The following DGKI variants were observed in gnomAD, a reference collection of about 807,000 sequenced individuals.
DGKI encodes the protein DAG kinase iota.
DGKI carries 55 observed loss-of-function variants against 147.5 expected under a neutral mutation model. The ratio of observed to expected loss-of-function variants is 0.37; its 90% CI spans 0.30 to 0.47. DGKI has a LOEUF of 0.47. Among genes scored for constraint, DGKI ranks in the 20% least tolerant of loss-of-function variants. The pLI is 1.00. For missense variants in DGKI, 1,007 were observed against 1,323.8 expected (o/e 0.76, Z 3.71); for synonymous variants, 469 against 477.1 (o/e 0.98, Z 0.22).
rs750325319 is a variant in DGKI at position 137,811,857 on chromosome 7, T to TA, written c.401+34604dup. ...TAGGTAGGTAGTGACTCTTGAAGTA[T>TA]ATAACTTTGCTAAATACTTATGTAC... On this transcript the variant is annotated intron_variant, in intron 1 of 32. Transcript: ENST00000614521. 2.1e-3 allele frequency among the ~76,000 whole-genome samples: 325 copies of TA among 152,044 alleles called. 3 individuals carry two copies. Among genetic ancestry groups the TA allele is most frequent in the Non-Finnish European group, 3.6e-3 (245 of 67,916 alleles).
At chr7:137,610,733 T>C (rs1373005652) in intron 8 of DGKI, among the ~76,000 whole-genome samples, 1 of 152,234 alleles carries the variant, frequency 6.6e-6, no homozygotes, top group African/African-American at 2.4e-5. Flanking sequence ...TATTCTTTTT[T>C]CTTTGAGCAT....
intron 28 of DGKI, among the ~76,000 whole-genome samples, chr7:137,426,788 CAA>C: frequency 6.6e-6 from 1 of 151,618 alleles, no homozygotes; most frequent in African/African-American, 2.4e-5. Context: ...CAACAAAGAT[CAA>C]AAGAGACAAA....
chr7:137,598,540 A>G (rs1819877800), intron 11 of DGKI, among the ~76,000 whole-genome samples: 1 of 152,140 alleles, frequency 6.6e-6, no homozygotes, highest in Non-Finnish European at 1.5e-5. Context: ...TATTTATTTC[A>G]AACTTCTCTG....
intron 1 of DGKI, among the ~76,000 whole-genome samples, chr7:137,750,710 G>A (rs971869119): frequency 5.3e-5 from 8 of 152,110 alleles, no homozygotes; most frequent in East Asian, 3.8e-4. Flanking sequence ...ACAAGGCAAC[G>A]GGGAGAAGAC....
chr7:137,441,372 G>A (rs1423398382), intron 28 of DGKI, among the ~76,000 whole-genome samples: 2 of 135,206 alleles, frequency 1.5e-5, no homozygotes, highest in Admixed American at 8.9e-5. Flanking sequence ...AGTGAGCCGA[G>A]ATCGTGCCAC....
rs975497755 is a variant in DGKI, at chr7:137,846,817, C to G, written c.46G>C (p.Ala16Pro). Residue 16 changes from alanine to proline, a missense_variant, in exon 1 of 33, where the codon GCG becomes CCG. Ala to Pro is a conservative substitution (Grantham distance 27). This residue lies in a region of DGKI where 137 missense variants were observed against 114.4 expected (regional missense o/e 1.20). Transcript: ENST00000614521. The surrounding 1 kb of genome is among the most constrained non-coding windows in gnomAD (Gnocchi z 4.0). ...RGCHLLPLPA[A>P]RGPARAPAAA... is the part of the protein sequence containing the mutation. The stretch of plus-strand genomic sequence containing the variant: ...GCAGGAGCGCGGGCAGGTCCGCGCG[C>G]CGCTGGCAGGGGCAGCAAATGGCAG... 1.0e-5 allele frequency: 12 copies of G among 1,147,378 alleles called. No individual in the cohort carries two copies. The highest frequency in any genetic ancestry group is 1.3e-5 in the Non-Finnish European group (12 of 933,888). The allele number at this position is 1,147,378 out of a possible 1,614,324, so 71.1% of individuals were successfully genotyped here. A position where few individuals can be genotyped will look rare whatever the true frequency, so the allele number is the denominator to read the frequency against.
chr7:137,639,251 C>T (rs759056824), intron 6 of DGKI, among the ~76,000 whole-genome samples: 5 of 151,984 alleles, frequency 3.3e-5, no homozygotes, highest in Admixed American at 1.3e-4. Flanking sequence ...GAATCAAAAC[C>T]GGAGATTTAT....
At chr7:137,533,478 CTT>C (rs1817411774) in intron 20 of DGKI, among the ~76,000 whole-genome samples, 1 of 152,054 alleles carries the variant, frequency 6.6e-6, no homozygotes, top group Non-Finnish European at 1.5e-5. Context: ...TGTTCCATTT[CTT>C]TCTCTCCTTT....
At chr7:137,732,804 CAT>C (rs1044981022) in intron 1 of DGKI, among the ~76,000 whole-genome samples, 6 of 152,056 alleles carry the variant, frequency 3.9e-5, no homozygotes, top group Middle Eastern at 6.8e-3. Flanking sequence ...CCCCGCCCCA[CAT>C]AGTCTCCACA....
intron 27 of DGKI, among the ~76,000 whole-genome samples, chr7:137,453,477 G>A (rs934775003): frequency 6.6e-6 from 1 of 152,126 alleles, no homozygotes; most frequent in African/African-American, 2.4e-5. Flanking sequence ...TTTGCTTTTG[G>A]TCCTTCTAAT....
intron 1 of DGKI, among the ~76,000 whole-genome samples, chr7:137,797,495 T>C (rs1053621993): frequency 6.6e-6 from 1 of 152,146 alleles, no homozygotes; most frequent in African/African-American, 2.4e-5. Flanking sequence ...GATATAGTTA[T>C]AATGTGTAAA....
Position 137,423,113 on chromosome 7 carries a change from T to C in DGKI, c.2762-10906A>G, listed in dbSNP as rs1316075989. ...TTTAGATTGTCTAACTTTGTTTTGTTTTACTTTCCTGGCATTTGGATGATA... is the reference window on the plus strand; with the variant it reads ...TTTAGATTGTCTAACTTTGTTTTGTCTTACTTTCCTGGCATTTGGATGATA... On this transcript the variant is annotated intron_variant, in intron 28 of 32. Transcript: ENST00000614521. 2.6e-5 allele frequency among the ~76,000 whole-genome samples: 4 copies of C among 152,180 alleles called. No homozygotes were observed. In the East Asian group the frequency reaches 7.7e-4, roughly 29 times the overall value.
chr7:137,739,874 A>G (rs1275890445), intron 1 of DGKI, among the ~76,000 whole-genome samples: 2 of 152,204 alleles, frequency 1.3e-5, no homozygotes, highest in Non-Finnish European at 2.9e-5. Flanking sequence ...GCAGTCAAGA[A>G]AAGGTTGAAC....
At position 137,707,941 on chromosome 7, in the gene DGKI, T is replaced by TTTTC. The variant is rs1563160237; in HGVS notation, c.402-17940_402-17939insGAAA. Among the ~76,000 whole-genome samples the TTTTC allele has an allele frequency of 7.9e-4, 120 of 152,112 alleles. 1 individual carries two copies. The East Asian group carries it at 0.021, about 27-fold the overall frequency. The stretch of plus-strand genomic sequence containing the variant: ...AATTATTTTGTTTTGTTTTGTTTTT[T>TTTTC]GCCTCCAAATCTCCCCAAATTGTGA... On this transcript the variant is annotated intron_variant, in intron 1 of 32. Transcript: ENST00000614521.
At chr7:137,589,848 A>G (rs536798499) in intron 12 of DGKI, among the ~76,000 whole-genome samples, 4 of 152,286 alleles carry the variant, frequency 2.6e-5, no homozygotes, top group Admixed American at 2.6e-4. Context: ...ACAATCATTC[A>G]ACCTCTCCTT....
chr7:137,397,184 C>T (rs192360690), intron 31 of DGKI, among the ~76,000 whole-genome samples, 193 bp downstream of exon 31: 14 of 152,372 alleles, frequency 9.2e-5, no homozygotes, highest in Admixed American at 7.8e-4. Flanking sequence ...AGCATTATGA[C>T]AATTGTCATC....
intron 1 of DGKI, among the ~76,000 whole-genome samples, chr7:137,807,258 C>T (rs913348121): frequency 6.6e-6 from 1 of 152,180 alleles, no homozygotes; most frequent in Non-Finnish European, 1.5e-5. Context: ...ATTTCAAAAA[C>T]CTTCACCCAA....
chr7:137,846,161 T>TCTCTCTCTCTCA lies in DGKI; in HGVS notation c.401+300_401+301insTGAGAGAGAGAG, dbSNP rs781580130. Among the ~76,000 whole-genome samples the TCTCTCTCTCTCA allele has an allele frequency of 0.011, 1,209 of 108,126 alleles. 16 individuals are homozygous for TCTCTCTCTCTCA. Among genetic ancestry groups the TCTCTCTCTCTCA allele is most frequent in the African/African-American group, 0.019 (483 of 25,974 alleles). 70.9% of individuals were successfully genotyped at this position (108,126 alleles called of 152,430 possible). On this transcript the variant is annotated intron_variant, in intron 1 of 32. Coordinates refer to ENST00000614521, the MANE Select transcript of DGKI (RefSeq NM_001321708.2). The surrounding 1 kb of genome is among the most constrained non-coding windows in gnomAD (Gnocchi z 4.0). ...CTCTCTCTCTCTCTCTCTCTCTCTC[T>TCTCTCTCTCTCA]CACACACACACACACACACACACAC...
At chr7:137,561,276 G>A (rs1818410533) in intron 19 of DGKI, among the ~76,000 whole-genome samples, 1 of 152,172 alleles carries the variant, frequency 6.6e-6, no homozygotes, top group African/African-American at 2.4e-5. Context: ...CAACATGGAT[G>A]AAACTGGAGA....
Sources: gnomAD v4.1 joint callset for allele counts (sites outside exome capture counted in the v4.1 genomes callset) on GRCh38, gnomAD v4.1.1 for gene constraint, gnomAD v4.1.1 regional missense constraint, Gnocchi (gnomAD v3.1) non-coding constraint, MANE v1.5 for transcripts, NCBI Gene and HGNC (gene_info 2026-07-23, HGNC 2026-07-21) for gene names.